The following OSBPL6 variants were observed in gnomAD, a reference collection of about 807,000 sequenced individuals.
The protein encoded by OSBPL6 is oxysterol-binding protein-related protein 6.
In OSBPL6, 49 loss-of-function variants were observed where a neutral mutation model predicts 125.8. That is an observed-to-expected ratio of 0.39 (90% CI 0.31 to 0.49). The LOEUF is 0.49. Ranked by LOEUF, OSBPL6 falls within the 20% of genes least tolerant of loss-of-function variation. The pLI, the probability that OSBPL6 is intolerant of heterozygous loss-of-function variation, is 0.88. For missense variants in OSBPL6, 986 were observed against 1,135.4 expected (o/e 0.87, Z 1.89); for synonymous variants, 394 against 391.8 (o/e 1.01, Z -0.07).
At chr2:178,233,067 AT>A (rs1211789742) in intron 1 of OSBPL6, among the ~76,000 whole-genome samples, 1 of 152,194 alleles carries the variant, frequency 6.6e-6, no homozygotes, top group Non-Finnish European at 1.5e-5. Flanking sequence ...GATGGTAATT[AT>A]TTTTGTAATA....
At chr2:178,239,775 G>GC (rs1416104627) in intron 1 of OSBPL6, among the ~76,000 whole-genome samples, 2 of 151,420 alleles carry the variant, frequency 1.3e-5, no homozygotes, top group African/African-American at 2.4e-5. Flanking sequence ...ACAGGTGCCT[G>GC]CCCCCATGCC....
At chr2:178,244,031 GA>G (rs1195497356) in intron 1 of OSBPL6, among the ~76,000 whole-genome samples, 7 of 151,454 alleles carry the variant, frequency 4.6e-5, no homozygotes, top group South Asian at 2.1e-4. Context: ...TGTAGTTAAA[GA>G]AAAAAAAATC....
At chr2:178,340,896 T>A (rs572703963) in intron 11 of OSBPL6, among the ~76,000 whole-genome samples, 1 of 151,642 alleles carries the variant, frequency 6.6e-6, no homozygotes, top group South Asian at 2.1e-4. Flanking sequence ...ATACCCATGG[T>A]TTTTTTTTAT....
intron 3 of OSBPL6, among the ~76,000 whole-genome samples, chr2:178,321,306 A>G (rs1225948183): frequency 6.6e-6 from 1 of 152,138 alleles, no homozygotes; most frequent in Admixed American, 6.5e-5. Context: ...GGTAGAGAAG[A>G]TGGAATTCCA....
chr2:178,202,577 C>A (rs1359078035), intron 1 of OSBPL6, among the ~76,000 whole-genome samples: 2 of 152,056 alleles, frequency 1.3e-5, no homozygotes, highest in Admixed American at 6.6e-5. Context: ...AATCCCAGCA[C>A]TTTGGGAGGC....
chr2:178,324,971 G>A (rs567450231), intron 4 of OSBPL6, among the ~76,000 whole-genome samples: 1 of 152,306 alleles, frequency 6.6e-6, no homozygotes, highest in South Asian at 2.1e-4. Context: ...GGCCTTCCTA[G>A]CAATGAGCTC....
intron 12 of OSBPL6, among the ~76,000 whole-genome samples, chr2:178,356,509 T>A (rs1167288281): frequency 6.6e-6 from 1 of 151,924 alleles, no homozygotes; most frequent in Non-Finnish European, 1.5e-5. Context: ...GAGAATAAAA[T>A]ACCTAGGAAT....
At chr2:178,295,874 G>T (rs911237407) in intron 2 of OSBPL6, among the ~76,000 whole-genome samples, 1 of 152,066 alleles carries the variant, frequency 6.6e-6, no homozygotes, top group African/African-American at 2.4e-5. Context: ...AAACTAATTT[G>T]CAGTATAAAA....
intron 1 of OSBPL6, among the ~76,000 whole-genome samples, chr2:178,232,469 T>C (rs928523415): frequency 1.3e-5 from 2 of 152,188 alleles, no homozygotes; most frequent in African/African-American, 4.8e-5. Flanking sequence ...GGATAAGCTA[T>C]TGAACCTATC....
chr2:178,282,159 T>C (rs1684258117), intron 1 of OSBPL6, among the ~76,000 whole-genome samples: 1 of 152,172 alleles, frequency 6.6e-6, no homozygotes, highest in African/African-American at 2.4e-5. Flanking sequence ...AGTTTTGTGC[T>C]GGATTTTGAA....
rs189417429 is a variant in OSBPL6 at position 178,359,135 on chromosome 2, C to T, written c.1154-2547C>T. ...AGGTTACAGTGAGCTATGATCACGC[C>T]ATTGCACTCCACAATAGACAACAGA... On this transcript the variant is annotated intron_variant, in intron 12 of 24. Transcript: ENST00000190611. Among the ~76,000 whole-genome samples the T allele has an allele frequency of 5.3e-3, 801 of 152,218 alleles. 9 individuals carry two copies. The highest frequency in any genetic ancestry group is 0.015 in the Admixed American group (234 of 15,284).
intron 1 of OSBPL6, among the ~76,000 whole-genome samples, chr2:178,235,972 T>A (rs1408847619): frequency 6.6e-6 from 1 of 152,232 alleles, no homozygotes; most frequent in Non-Finnish European, 1.5e-5. Context: ...AGGAGGTACA[T>A]GTGCAGGCTT....
At chr2:178,236,192 AATG>A (rs1290630583) in intron 1 of OSBPL6, among the ~76,000 whole-genome samples, 1 of 152,232 alleles carries the variant, frequency 6.6e-6, no homozygotes, top group Non-Finnish European at 1.5e-5. Context: ...TAGCAGCTAA[AATG>A]ATGATGAAAT....
At chr2:178,367,088 G>A (rs185343297) in intron 13 of OSBPL6, among the ~76,000 whole-genome samples, 160 of 152,226 alleles carry the variant, frequency 1.1e-3, no homozygotes, top group African/African-American at 2.1e-3. Flanking sequence ...TTATGTGTGT[G>A]AAGAGTTTGA....
chr2:178,326,390 T>C (rs952976913), intron 4 of OSBPL6, among the ~76,000 whole-genome samples: 3 of 152,196 alleles, frequency 2.0e-5, no homozygotes, highest in African/African-American at 7.2e-5. Context: ...CAAAAATATG[T>C]ATATATCTGG....
intron 6 of OSBPL6, among the ~76,000 whole-genome samples, chr2:178,332,285 T>C (rs1360836691): frequency 6.6e-6 from 1 of 152,208 alleles, no homozygotes; most frequent in African/African-American, 2.4e-5. Context: ...CTCAGGGATG[T>C]TCTGGGTTAT....
chr2:178,317,376 C>T (rs1251381677), intron 3 of OSBPL6, among the ~76,000 whole-genome samples: 1 of 146,082 alleles, frequency 6.8e-6, no homozygotes, highest in Non-Finnish European at 1.5e-5. Flanking sequence ...GTCTTCTTTC[C>T]TGCTTACATT....
At chr2:178,387,897 G>T (rs1008204436) in intron 20 of OSBPL6, among the ~76,000 whole-genome samples, 9 of 151,980 alleles carry the variant, frequency 5.9e-5, no homozygotes, top group African/African-American at 2.2e-4. Context: ...CCAGCTACTC[G>T]GGAGGCTGAG....
chr2:178,228,808 T>C (rs562516535), intron 1 of OSBPL6, among the ~76,000 whole-genome samples: 1 of 152,354 alleles, frequency 6.6e-6, no homozygotes, highest in African/African-American at 2.4e-5. Context: ...ATACTTGATC[T>C]ATATTTAGAT....
Sources: allele counts gnomAD v4.1 joint callset (sites outside exome capture counted in the v4.1 genomes callset), GRCh38; gene constraint gnomAD v4.1.1; transcripts MANE v1.5; gene names NCBI Gene and HGNC (gene_info 2026-07-23, HGNC 2026-07-21).